Variants in LARP1B observed in about 807,000 individuals in gnomAD.
LARP1B encodes La ribonucleoprotein 1B, also known as la-related protein 1B.
Under a neutral mutation model 114.2 loss-of-function variants are expected in LARP1B, and 76 were observed. The observed-to-expected ratio is 0.67, with a 90% CI of 0.55 to 0.81. LARP1B has a LOEUF of 0.81. Among genes scored for constraint, LARP1B ranks in the 30% least tolerant of loss-of-function variants. The pLI is 0.00. For synonymous variants in LARP1B, 345 were observed against 348.0 expected, an observed-to-expected ratio of 0.99 and a Z score of 0.10; for missense variants, 1,014 against 1,075.8, an observed-to-expected ratio of 0.94 and a Z score of 0.80.
chr4:128,103,888 A>G (rs7661888), intron 8 of LARP1B, among the ~76,000 whole-genome samples: 98,430 of 151,444 alleles, frequency 0.65, 32,264 homozygotes, highest in Middle Eastern at 0.82. Flanking sequence ...TTTATAAAAA[A>G]CATGTGTTGG....
chr4:128,128,068 A>G (rs1790235099), intron 11 of LARP1B, among the ~76,000 whole-genome samples: 3 of 152,214 alleles, frequency 2.0e-5, no homozygotes, highest in South Asian at 4.1e-4. Flanking sequence ...TGTCAACTTG[A>G]TATCTACAAA....
rs564731664 is a variant in LARP1B, at chr4:128,162,131, A to G, written c.1525-63A>G. On this transcript the variant is annotated intron_variant, in intron 11 of 19. Coordinates refer to ENST00000326639, the MANE Select transcript of LARP1B (RefSeq NM_018078.4). Reference sequence around the variant, plus strand: ...GTTCATTTTTTTGAGGTTGGTATCAATTATTGTCTGTTGGTTACTCTGTTA... The same window carrying G: ...GTTCATTTTTTTGAGGTTGGTATCAGTTATTGTCTGTTGGTTACTCTGTTA... 3.9e-6 allele frequency: 6 copies of G among 1,519,692 alleles called. No homozygotes were observed. The East Asian group carries it at 6.8e-5, about 17-fold the overall frequency. The allele number at this position is 1,519,692 out of a possible 1,614,324, so 94.1% of individuals were successfully genotyped here.
chr4:128,075,657 C>G (rs529876125), intron 3 of LARP1B, among the ~76,000 whole-genome samples: 2 of 151,924 alleles, frequency 1.3e-5, no homozygotes, highest in South Asian at 4.1e-4. Context: ...AGGTGATCCT[C>G]CACCTTTGCC....
At chr4:128,162,149 C>T in intron 11 of LARP1B, 45 bp from the exon 12 acceptor site, 1 of 1,583,918 alleles carries the variant, frequency 6.3e-7, no homozygotes, top group Non-Finnish European at 8.6e-7. Flanking sequence ...CTGTTGGTTA[C>T]TCTGTTAGCC....
chr4:128,190,932 A>C (rs1332223169), intron 15 of LARP1B, among the ~76,000 whole-genome samples: 3 of 152,206 alleles, frequency 2.0e-5, no homozygotes, highest in East Asian at 3.8e-4. Context: ...ATTGAATGCC[A>C]GTGGCTCTTA....
chr4:128,177,164 T>G (rs562209981), intron 13 of LARP1B, among the ~76,000 whole-genome samples: 2 of 152,130 alleles, frequency 1.3e-5, no homozygotes, highest in South Asian at 4.2e-4. Context: ...TGGGAAACAC[T>G]GAAGGATGTT....
intron 1 of LARP1B, among the ~76,000 whole-genome samples, chr4:128,067,742 C>T (rs1763567245): frequency 6.6e-6 from 1 of 150,570 alleles, no homozygotes; most frequent in South Asian, 2.1e-4. Flanking sequence ...GAGATGGCGC[C>T]TTGCTCTCGT....
In LARP1B at chr4:128,155,543, G is replaced by A. The variant is rs1233447230; in HGVS notation, c.1525-6651G>A. 4.8e-5 allele frequency: 38 copies of A among 797,498 alleles called. No homozygotes were observed. In the Admixed American group the frequency reaches 6.4e-4, roughly 14 times the overall value. The allele number at this position is 797,498 out of a possible 1,614,324, so 49.4% of individuals were successfully genotyped here. A position where few individuals can be genotyped will look rare whatever the true frequency, so the allele number is the denominator to read the frequency against. On this transcript the variant is annotated intron_variant, in intron 11 of 19. Coordinates refer to ENST00000326639, the MANE Select transcript of LARP1B (RefSeq NM_018078.4). ...ATGAGTGGCAGTGAGGAGCTGCAGT[G>A]GATGGTACAGCTTCATTTTCTGGGG... is the stretch of plus-strand genomic sequence containing the variant.
rs747666726 is a variant in LARP1B, at chr4:128,176,860, C to T, written c.1649-12C>T. ...CACAGCACAAAAAGGGACTAATTAA[C>T]TCTCTTGGCAGGAGGTGTTCAAGGA... On this transcript the variant is annotated splice_polypyrimidine_tract_variant and intron_variant, in intron 12 of 19. Transcript: ENST00000326639. The T allele has an allele frequency of 1.5e-5, 25 of 1,612,956 alleles. No individual in the cohort carries two copies. Among genetic ancestry groups the T allele is most frequent in the Non-Finnish European group, 2.0e-5 (24 of 1,179,122 alleles).
At chr4:128,062,864 A>C (rs369433753) in intron 1 of LARP1B, among the ~76,000 whole-genome samples, 1 of 152,098 alleles carries the variant, frequency 6.6e-6, no homozygotes, top group South Asian at 2.1e-4. Context: ...ACATGTATAC[A>C]TGTGTAACCT....
Position 128,186,451 on chromosome 4 carries a change from G to T in LARP1B, c.2003+6939G>T, listed in dbSNP as rs567781173. Among the ~76,000 whole-genome samples the T allele has an allele frequency of 2.1e-4, 32 of 152,086 alleles. 1 individual carries two copies. In the South Asian group the frequency reaches 6.0e-3, roughly 29 times the overall value. ...GCTGTCTTGATTTCTTTTTCAGTGT[G>T]TTTGCTTTTGGCATATATAAATGCT... On this transcript the variant is annotated intron_variant, in intron 15 of 19. Coordinates refer to ENST00000326639, the MANE Select transcript of LARP1B (RefSeq NM_018078.4).
intron 12 of LARP1B, among the ~76,000 whole-genome samples, chr4:128,163,840 T>A (rs1739555643): frequency 6.6e-6 from 1 of 152,138 alleles, no homozygotes; most frequent in African/African-American, 2.4e-5. Flanking sequence ...CCTTTCATTT[T>A]CTTGCTCAGT....
chr4:128,061,996 C>T lies in LARP1B; in HGVS notation c.-78+595C>T, dbSNP rs1306530933. The T allele has an allele frequency of 4.1e-6, 4 of 984,998 alleles. No homozygotes were observed. The African/African-American group carries it at 5.2e-5, about 13-fold the overall frequency. The allele number at this position is 984,998 out of a possible 1,614,324, so 61.0% of individuals were successfully genotyped here. A position where few individuals can be genotyped will look rare whatever the true frequency, so the allele number is the denominator to read the frequency against. ...CGCGTGGGCCCGGGGGCCCTTTCGG[C>T]GGGGAGCCGCCACCGCCACCGCCGC... On this transcript the variant is annotated intron_variant, in intron 1 of 19. Transcript: ENST00000326639.
chr4:128,111,701 T>C (rs1007372926), intron 9 of LARP1B, among the ~76,000 whole-genome samples: 32 of 152,126 alleles, frequency 2.1e-4, no homozygotes, highest in Non-Finnish European at 7.4e-5. Flanking sequence ...TTTTTTTTGT[T>C]TTGTTTTTGA....
chr4:128,209,346 C>T (rs1758464003), intron 19 of LARP1B, among the ~76,000 whole-genome samples: 1 of 152,104 alleles, frequency 6.6e-6, no homozygotes, highest in South Asian at 2.1e-4. Context: ...GCTTGAACCC[C>T]AAAGGCAAAG....
chr4:128,098,189 A>G lies in LARP1B; in HGVS notation c.672A>G (p.Glu224=), dbSNP rs745589559. 2 of 1,605,634 alleles carry G rather than the reference A, an allele frequency of 1.2e-6. No homozygotes were observed. Residue 224 remains glutamate (E), a synonymous_variant, in exon 8 of 20, where the codon GAA becomes GAG. Transcript: ENST00000326639. ...AAATTCTGATTTCTCTTTTCAGTGA[A>G]TATTACTTCAGTGTAGAAAATTTGG... The part of the protein sequence containing the change: ...LLKEYIKRQI[E]YYFSVENLER...
At chr4:128,062,024 C>CCGT (rs768133531) in intron 1 of LARP1B, 13 of 985,074 alleles carry the variant, frequency 1.3e-5, no homozygotes, top group East Asian at 1.1e-4. Context: ...ACCGCCGCCG[C>CCGT]CGTCGCCGTT....
chr4:128,069,552 C>A (rs578218283), intron 1 of LARP1B: 42 of 742,450 alleles, frequency 5.7e-5, no homozygotes, highest in South Asian at 5.5e-4. Context: ...CTGCCAGCAA[C>A]CAACTCTCAG....
intron 11 of LARP1B, among the ~76,000 whole-genome samples, chr4:128,129,993 A>G (rs1791053863): frequency 6.6e-6 from 1 of 152,210 alleles, no homozygotes; most frequent in Non-Finnish European, 1.5e-5. Context: ...AATCCATGAA[A>G]GAAATAATAA....
Sources: allele counts gnomAD v4.1 joint callset (sites outside exome capture counted in the v4.1 genomes callset), GRCh38; gene constraint gnomAD v4.1.1; transcripts MANE v1.5; gene names NCBI Gene and HGNC (gene_info 2026-07-23, HGNC 2026-07-21).